CHL1: variants seen among roughly 807,000 people sequenced by gnomAD.
CHL1 encodes cell adhesion molecule L1 like.
Under a neutral mutation model 141.9 loss-of-function variants are expected in CHL1, and 96 were observed. The observed-to-expected ratio is 0.68, with a 90% CI of 0.57 to 0.80. The LOEUF (loss-of-function observed/expected upper bound fraction) is 0.80. Ranked by LOEUF, CHL1 falls within the 30% of genes least tolerant of loss-of-function variation. The probability of loss-of-function intolerance (pLI) is 0.00; values close to 1 mark genes in which losing one functional copy is unlikely to be tolerated. For missense variants in CHL1, 1,820 were observed against 1,457.2 expected (o/e 1.25, Z -4.05); for synonymous variants, 613 against 502.2 (o/e 1.22, Z -2.95).
rs141526826 is a variant in CHL1 at position 205,641 on chromosome 3, CTG to C, written c.-175+8595_-175+8596del. On this transcript the variant is annotated intron_variant, in intron 1 of 27. Coordinates refer to ENST00000256509, the MANE Select transcript of CHL1 (RefSeq NM_006614.4). ...TACATGTTCTTATGTTTGTGTGTGT[CTG>C]TGTGTGTGTGTGTGTGCGCGCGCAC... Among the ~76,000 whole-genome samples the C allele has an allele frequency of 3.4e-4, 51 of 150,254 alleles. No homozygotes were observed. The South Asian group carries it at 5.9e-3, about 17-fold the overall frequency.
intron 15 of CHL1, chr3:376,279 C>A (rs937100361): frequency 9.1e-6 from 4 of 440,232 alleles, no homozygotes; most frequent in Non-Finnish European, 1.8e-5. Flanking sequence ...TTCTGTGTGA[C>A]CCTATGTGTG....
At position 389,485 on chromosome 3, in the gene CHL1, C is replaced by A. The variant is rs115433531; in HGVS notation, c.2470+11C>A. The A allele has an allele frequency of 3.7e-4, 589 of 1,593,808 alleles. 4 individuals carry two copies. The African/African-American group carries it at 6.5e-3, about 18-fold the overall frequency. On this transcript the variant is annotated intron_variant, in intron 20 of 27. Coordinates refer to ENST00000256509, the MANE Select transcript of CHL1 (RefSeq NM_006614.4). ...ATTCTGGAGAAGACTGTAAGTGATG[C>A]ACCTAAAACTGCTAAGCACGTCAGT...
At chr3:291,682 G>A (rs1188204493) in intron 2 of CHL1, among the ~76,000 whole-genome samples, 1 of 151,852 alleles carries the variant, frequency 6.6e-6, no homozygotes, top group Non-Finnish European at 1.5e-5. Flanking sequence ...GATTTTTAGA[G>A]GTCATTTTTT....
chr3:301,878 C>A (rs1698769464), intron 2 of CHL1, among the ~76,000 whole-genome samples: 1 of 152,202 alleles, frequency 6.6e-6, no homozygotes, highest in African/African-American at 2.4e-5. Flanking sequence ...TTAGCTATTT[C>A]TCCTAATGGT....
At position 349,497 on chromosome 3, in the gene CHL1, C is replaced by G. The variant is rs1162784856; in HGVS notation, c.987C>G (p.Ser329Arg). 1.2e-6 allele frequency: 2 copies of G among 1,613,802 alleles called. 1 individual carries two copies. Among genetic ancestry groups the G allele is most frequent in the Admixed American group, 3.3e-5 (2 of 59,928 alleles). The change falls in exon 10 of 28, where the codon AGC becomes AGG. Residue 329 changes from serine (S) to arginine (R), a missense_variant. Physicochemically the swap from Ser to Arg is moderately radical, Grantham distance 110. Transcript: ENST00000256509. The part of the protein sequence containing the change: ...QDKGNYRCTA[S>R]NFLGTATHDF... The stretch of plus-strand genomic sequence containing the variant: ...AAGGAAATTATCGCTGCACAGCCAG[C>G]AATTTCTTGGGAACAGCCACTCACG...
intron 3 of CHL1, among the ~76,000 whole-genome samples, chr3:324,596 C>G (rs1314753239): frequency 6.7e-6 from 1 of 148,430 alleles, no homozygotes. Flanking sequence ...GAGGCAAAAT[C>G]ACTTCCTACT....
intron 15 of CHL1, among the ~76,000 whole-genome samples, chr3:374,434 C>G (rs1384199278): frequency 1.3e-5 from 2 of 152,098 alleles, no homozygotes; most frequent in Admixed American, 6.5e-5. Flanking sequence ...TCCATGTGAC[C>G]TCTGGGCTAC....
At chr3:355,351 G>A (rs1245904094) in intron 11 of CHL1, among the ~76,000 whole-genome samples, 1 of 152,064 alleles carries the variant, frequency 6.6e-6, no homozygotes, top group Non-Finnish European at 1.5e-5. Context: ...CCCATGCCCG[G>A]TCCACCCTGA....
chr3:251,996 G>GGAC (rs1330432171), intron 2 of CHL1, among the ~76,000 whole-genome samples: 1 of 151,766 alleles, frequency 6.6e-6, no homozygotes, highest in Non-Finnish European at 1.5e-5. Flanking sequence ...CGAAATCCAA[G>GGAC]GACTGCAAAA....
intron 1 of CHL1, among the ~76,000 whole-genome samples, chr3:212,662 T>G (rs1699995299): frequency 6.6e-6 from 1 of 152,196 alleles, no homozygotes; most frequent in Non-Finnish European, 1.5e-5. Context: ...ACTGTCACAT[T>G]TCGTTTCCAC....
Position 391,756 on chromosome 3 carries a change from T to C in CHL1, c.2873T>C (p.Leu958Ser), listed in dbSNP as rs200769293. 2.1e-5 allele frequency: 33 copies of C among 1,599,876 alleles called. No individual in the cohort carries two copies. The East Asian group carries it at 7.4e-4, about 36-fold the overall frequency. Residue 958 changes from leucine (L) to serine (S), a missense_variant, in exon 23 of 28, where the codon TTA (leucine) becomes TCA (serine). By Grantham distance (145) the Leu-to-Ser change is moderately radical. Coordinates refer to ENST00000256509, the MANE Select transcript of CHL1 (RefSeq NM_006614.4). ...TTATCTTGGGGACTACCTAAGAAAT[T>C]AAATGGAAACTTAACTGGCTATCTT... ...ATLSWGLPKK[L>S]NGNLTGYLLQ...
chr3:384,026 A>G (rs779487278), intron 19 of CHL1, 140 bp downstream of exon 19: 190 of 549,606 alleles, frequency 3.5e-4, no homozygotes, highest in South Asian at 9.9e-4. Context: ...GTGAGTCATC[A>G]TCACAAATTT....
intron 2 of CHL1, among the ~76,000 whole-genome samples, chr3:255,856 T>C (rs529695422): frequency 1.2e-4 from 19 of 152,302 alleles, no homozygotes; most frequent in African/African-American, 4.6e-4. Context: ...TGGTAGTTGC[T>C]CTTTTTAATG....
At chr3:235,733 T>C (rs1348109226) in intron 1 of CHL1, among the ~76,000 whole-genome samples, 2 of 152,246 alleles carry the variant, frequency 1.3e-5, no homozygotes, top group Non-Finnish European at 2.9e-5. Context: ...AACTGGGTCC[T>C]ATTTGAGATC....
intron 11 of CHL1, among the ~76,000 whole-genome samples, chr3:357,282 A>G (rs1314904031): frequency 6.6e-6 from 1 of 152,204 alleles, no homozygotes; most frequent in African/African-American, 2.4e-5. Context: ...TGTTGGCTAG[A>G]GGATTTGAAA....
chr3:351,514 G>A (rs1262385511), intron 10 of CHL1, among the ~76,000 whole-genome samples: 4 of 152,030 alleles, frequency 2.6e-5, no homozygotes, highest in African/African-American at 4.8e-5. Flanking sequence ...GGATGAGCTC[G>A]TGTTTATTCA....
chr3:382,620 G>C lies in CHL1; in HGVS notation c.2125G>C (p.Gly709Arg). The change falls in exon 18 of 28, where the codon GGG becomes CGG. Residue 709 changes from glycine (G) to arginine (R), a missense_variant. Coordinates refer to ENST00000256509, the MANE Select transcript of CHL1 (RefSeq NM_006614.4). ...QFRVIAVNEV[G>R]RSQPSQPSDH... is the part of the protein sequence containing the mutation. ...CAGGGTCATAGCCGTGAACGAAGTA[G>C]GGAGAAGTCAGCCTAGCCAGCCGTC... The C allele has an allele frequency of 6.2e-7, 1 of 1,613,842 alleles. No homozygotes were observed. Among genetic ancestry groups the C allele is most frequent in the Non-Finnish European group, 8.5e-7 (1 of 1,179,860 alleles).
chr3:372,627 C>A (rs1478279940), intron 15 of CHL1, among the ~76,000 whole-genome samples: 2 of 152,118 alleles, frequency 1.3e-5, no homozygotes, highest in African/African-American at 4.8e-5. Flanking sequence ...TCTGCCTCAT[C>A]CTCCATCCAG....
intron 1 of CHL1, among the ~76,000 whole-genome samples, chr3:219,836 A>C (rs898587862): frequency 2.6e-5 from 4 of 152,222 alleles, no homozygotes; most frequent in Non-Finnish European, 4.4e-5. Flanking sequence ...TGAACTTAAA[A>C]TGAAAGTTTT....
Sources: gnomAD v4.1 joint callset for allele counts (sites outside exome capture counted in the v4.1 genomes callset) on GRCh38, gnomAD v4.1.1 for gene constraint, MANE v1.5 for transcripts, NCBI Gene and HGNC (gene_info 2026-07-23, HGNC 2026-07-21) for gene names.